Variants in ERCC8 observed in about 807,000 individuals in gnomAD.
ERCC8 encodes DNA excision repair protein ERCC-8.
ERCC8 carries 52 observed loss-of-function variants against 54.9 expected under a neutral mutation model. The observed-to-expected ratio is 0.95, with a 90% CI of 0.76 to 1.19. The LOEUF (loss-of-function observed/expected upper bound fraction) is 1.19, where lower values mean the gene tolerates loss of function less well. ERCC8 is among the 50% of genes most tolerant of loss of function. ERCC8 has a pLI of 0.00. For missense variants in ERCC8, 514 were observed against 466.1 expected, an observed-to-expected ratio of 1.10 and a Z score of -0.95; for synonymous variants, 146 against 157.2, an observed-to-expected ratio of 0.93 and a Z score of 0.53.
intron 10 of ERCC8, 47 bp from the exon 11 acceptor site, chr5:60,887,567 T>A: frequency 1.5e-6 from 2 of 1,320,130 alleles, no homozygotes; most frequent in Non-Finnish European, 2.2e-6. Flanking sequence ...AGAGCTGATA[T>A]CAAACTGAAA....
Position 60,871,427 on chromosome 5 carries a change from T to C in ERCC8, c.*3188A>G, listed in dbSNP as rs545143458. 6.6e-6 allele frequency among the ~76,000 whole-genome samples: 1 copy of C among 152,284 alleles called. No individual in the cohort carries two copies. Among genetic ancestry groups the C allele is most frequent in the African/African-American group, 2.4e-5 (1 of 41,562 alleles). On this transcript the variant is annotated 3_prime_UTR_variant, in exon 12 of 12. Transcript: ENST00000676185. ...TATGTCTGCATAGATATATATAGGA[T>C]TGCAATATGAAAGAACACAGTCTAG...
At chr5:60,884,337 G>A (rs1187104794) in intron 11 of ERCC8, among the ~76,000 whole-genome samples, 7 of 151,772 alleles carry the variant, frequency 4.6e-5, no homozygotes, top group South Asian at 2.1e-4. Flanking sequence ...TTAGCTGGGC[G>A]TGGTGGTGGG....
At chr5:60,878,008 T>G (rs1336457713) in intron 11 of ERCC8, among the ~76,000 whole-genome samples, 1 of 152,228 alleles carries the variant, frequency 6.6e-6, no homozygotes, top group Non-Finnish European at 1.5e-5. Context: ...GGCTGTGGGT[T>G]TGTCATAGAT....
intron 10 of ERCC8, among the ~76,000 whole-genome samples, chr5:60,889,703 T>G (rs1056747312): frequency 6.6e-6 from 1 of 152,234 alleles, no homozygotes; most frequent in East Asian, 1.9e-4. Flanking sequence ...AAATTTCGGC[T>G]GTGTCTCTAA....
intron 9 of ERCC8, chr5:60,892,933 G>A (rs571106970): frequency 1.9e-4 from 141 of 751,304 alleles, no homozygotes; most frequent in Non-Finnish European, 3.7e-5. Flanking sequence ...ATTTCACCAA[G>A]GCAGCAATAG....
chr5:60,938,024 T>TATACATAC (rs771352926), intron 1 of ERCC8, among the ~76,000 whole-genome samples: 18 of 82,518 alleles, frequency 2.2e-4, no homozygotes, highest in African/African-American at 3.6e-4. Context: ...TGTGTGTGTG[T>TATACATAC]ATACATACAT....
Position 60,887,524 on chromosome 5 carries a change from T to C in ERCC8, c.1042-4A>G. 2 of 1,611,696 alleles carry C rather than the reference T, an allele frequency of 1.2e-6. No individual in the cohort carries two copies. The highest frequency in any genetic ancestry group is 8.5e-7 in the Non-Finnish European group (1 of 1,177,834). On this transcript the variant is annotated splice_polypyrimidine_tract_variant and splice_region_variant and intron_variant, in intron 10 of 11. Coordinates refer to ENST00000676185, the MANE Select transcript of ERCC8 (RefSeq NM_000082.4). ...CTCTGCTACCACTATAAAGTTCCTA[T>C]AACATAGAAGGCAAAGATGATACTG...
intron 1 of ERCC8, among the ~76,000 whole-genome samples, chr5:60,929,784 T>C (rs1314163411): frequency 6.6e-6 from 1 of 152,226 alleles, no homozygotes; most frequent in Non-Finnish European, 1.5e-5. Flanking sequence ...AGGTGCTAAT[T>C]ACAATGCCTA....
chr5:60,895,950 C>T (rs1465242343), intron 9 of ERCC8, among the ~76,000 whole-genome samples: 1 of 152,134 alleles, frequency 6.6e-6, no homozygotes, highest in Non-Finnish European at 1.5e-5. Flanking sequence ...TCCTCCAATC[C>T]ATCCTACAAC....
intron 4 of ERCC8, among the ~76,000 whole-genome samples, chr5:60,907,911 A>G (rs1235394837): frequency 6.6e-6 from 1 of 152,172 alleles, no homozygotes; most frequent in Non-Finnish European, 1.5e-5. Context: ...CTATTCTTCC[A>G]ATATTACCAA....
intron 10 of ERCC8, among the ~76,000 whole-genome samples, chr5:60,890,479 T>C (rs945607757): frequency 6.6e-6 from 1 of 152,214 alleles, no homozygotes; most frequent in Non-Finnish European, 1.5e-5. Context: ...AACCTCCCTT[T>C]ACTAGCCATT....
chr5:60,880,306 C>T (rs1748168230), intron 11 of ERCC8, among the ~76,000 whole-genome samples: 1 of 152,132 alleles, frequency 6.6e-6, no homozygotes, highest in Non-Finnish European at 1.5e-5. Context: ...ACATTTTTTC[C>T]TTCATTTCAG....
rs1221636612 is a variant in ERCC8, at chr5:60,873,317, C to G, written c.*1298G>C. ...TGGAAAAAAAAATCAATTGTAAAAG[C>G]AAGTGTTTGGAAAACATTTAGCTGG... On this transcript the variant is annotated 3_prime_UTR_variant, in exon 12 of 12. Transcript: ENST00000676185. Among the ~76,000 whole-genome samples, 1 of 152,078 alleles carries G rather than the reference C, an allele frequency of 6.6e-6. No individual in the cohort carries two copies. The highest frequency in any genetic ancestry group is 1.5e-5 in the Non-Finnish European group (1 of 68,018).
intron 11 of ERCC8, among the ~76,000 whole-genome samples, chr5:60,880,338 T>C (rs1748169605): frequency 6.6e-6 from 1 of 152,180 alleles, no homozygotes; most frequent in Admixed American, 6.5e-5. Context: ...CTGACAATTA[T>C]GTGTCTTGGA....
At chr5:60,880,474 C>G (rs1579984812) in intron 11 of ERCC8, among the ~76,000 whole-genome samples, 1 of 152,166 alleles carries the variant, frequency 6.6e-6, no homozygotes, top group Non-Finnish European at 1.5e-5. Flanking sequence ...CAACTTGGTT[C>G]CATTCTCCCC....
intron 11 of ERCC8, among the ~76,000 whole-genome samples, chr5:60,877,565 TA>T (rs1748053048): frequency 6.6e-6 from 1 of 152,224 alleles, no homozygotes. Context: ...CAGTGGTTTG[TA>T]GATCTCCTTG....
At chr5:60,877,061 G>T (rs915001883) in intron 11 of ERCC8, among the ~76,000 whole-genome samples, 3 of 152,160 alleles carry the variant, frequency 2.0e-5, no homozygotes, top group Non-Finnish European at 4.4e-5. Flanking sequence ...TTTGTATAAG[G>T]TGTAAGGAAG....
chr5:60,897,062 G>C (rs1748744035), intron 9 of ERCC8, among the ~76,000 whole-genome samples: 1 of 152,104 alleles, frequency 6.6e-6, no homozygotes, highest in Non-Finnish European at 1.5e-5. Context: ...TCCAACGCAA[G>C]AACCTCTTAG....
In ERCC8 at chr5:60,871,110, A is replaced by AG. The variant is rs1449211925; in HGVS notation, c.*3504dup. On this transcript the variant is annotated 3_prime_UTR_variant, in exon 12 of 12. Transcript: ENST00000676185. ...ATACCCAGCTAAACTATCATTTCAG[A>AG]GGGGAAAAAAAAGATGATATTCAAC... 4.6e-5 allele frequency among the ~76,000 whole-genome samples: 7 copies of AG among 152,190 alleles called. No individual in the cohort carries two copies. Among genetic ancestry groups the AG allele is most frequent in the South Asian group, 4.1e-4 (2 of 4,832 alleles).
Sources: allele counts gnomAD v4.1 joint callset (sites outside exome capture counted in the v4.1 genomes callset), GRCh38; gene constraint gnomAD v4.1.1; transcripts MANE v1.5; gene names NCBI Gene and HGNC (gene_info 2026-07-23, HGNC 2026-07-21).